SLC6A11: variants seen among roughly 807,000 people sequenced by gnomAD.
SLC6A11 encodes sodium- and chloride-dependent GABA transporter 3.
SLC6A11 carries 25 observed loss-of-function variants against 74.8 expected under a neutral mutation model. That is an observed-to-expected ratio of 0.33 (90% CI 0.24 to 0.47). The LOEUF (loss-of-function observed/expected upper bound fraction) is 0.47, where lower values mean the gene tolerates loss of function less well. Among genes scored for constraint, SLC6A11 ranks in the 20% least tolerant of loss-of-function variants. SLC6A11 has a pLI of 1.00. For synonymous variants in SLC6A11, 330 were observed against 330.2 expected (o/e 1.00, Z 0.01); for missense variants, 574 against 837.0 (o/e 0.69, Z 3.88).
At chr3:10,924,128 C>T (rs1695570984) in intron 8 of SLC6A11, among the ~76,000 whole-genome samples, 1 of 151,722 alleles carries the variant, frequency 6.6e-6, no homozygotes, top group Admixed American at 6.6e-5. Context: ...AATGTTGGAA[C>T]AGAAAAAAAG....
intron 10 of SLC6A11, 101 bp downstream of exon 10, chr3:10,929,440 C>A: frequency 1.6e-6 from 2 of 1,256,962 alleles, no homozygotes; most frequent in Non-Finnish European, 2.3e-6. Context: ...AGGTCTAGTG[C>A]CCTCTGCCAC....
intron 8 of SLC6A11, among the ~76,000 whole-genome samples, chr3:10,925,596 G>A (rs1261708159): frequency 1.3e-5 from 2 of 152,208 alleles, no homozygotes; most frequent in Non-Finnish European, 2.9e-5. Context: ...CCCGACCTAC[G>A]TACACCACAA....
chr3:10,873,372 C>CCA (rs1559566530), intron 5 of SLC6A11, among the ~76,000 whole-genome samples: 3 of 92,866 alleles, frequency 3.2e-5, no homozygotes, highest in African/African-American at 1.6e-4. Context: ...CCCCTATGCT[C>CCA]ACCTTCATTA....
At chr3:10,821,232 C>T (rs1694134524) in intron 3 of SLC6A11, among the ~76,000 whole-genome samples, 1 of 152,146 alleles carries the variant, frequency 6.6e-6, no homozygotes, top group South Asian at 2.1e-4. Flanking sequence ...TGAGGATACT[C>T]TAAAAATATG....
At chr3:10,909,109 C>CAA (rs34230224) in intron 6 of SLC6A11, among the ~76,000 whole-genome samples, 11,314 of 103,896 alleles carry the variant, frequency 0.11, 708 homozygotes, top group Admixed American at 0.18. Flanking sequence ...ACATCCCCAG[C>CAA]AAAAAAAAAA....
intron 5 of SLC6A11, among the ~76,000 whole-genome samples, chr3:10,874,159 G>A (rs1694880821): frequency 6.6e-6 from 1 of 152,204 alleles, no homozygotes; most frequent in Admixed American, 6.5e-5. Flanking sequence ...TTCTAAAGTG[G>A]ATTTAGAAGA....
chr3:10,834,576 TAAAAC>T (rs1039109396), intron 4 of SLC6A11, among the ~76,000 whole-genome samples: 5 of 152,026 alleles, frequency 3.3e-5, no homozygotes, highest in African/African-American at 1.2e-4. Context: ...TTGTTTTTAA[TAAAAC>T]AATGAGGAAG....
intron 6 of SLC6A11, among the ~76,000 whole-genome samples, chr3:10,905,244 C>T (rs1559578270): frequency 2.6e-5 from 4 of 152,206 alleles, no homozygotes. Flanking sequence ...GGGAAGATGA[C>T]ATTCCCCAGA....
chr3:10,903,954 T>TC (rs1695272199), intron 6 of SLC6A11, among the ~76,000 whole-genome samples: 1 of 152,248 alleles, frequency 6.6e-6, no homozygotes, highest in Admixed American at 6.5e-5. Context: ...AATTAGACAT[T>TC]CTACTTGCAT....
At chr3:10,832,676 C>G (rs570988792) in intron 4 of SLC6A11, among the ~76,000 whole-genome samples, 2 of 152,282 alleles carry the variant, frequency 1.3e-5, no homozygotes, top group African/African-American at 4.8e-5. Context: ...TAGTATTTCC[C>G]CGTACTCTTA....
chr3:10,879,962 AAGTG>A (rs1228797102), intron 6 of SLC6A11, among the ~76,000 whole-genome samples: 1 of 152,176 alleles, frequency 6.6e-6, no homozygotes, highest in Non-Finnish European at 1.5e-5. Context: ...ATGTGATTAA[AAGTG>A]AGGCTAATTT....
intron 3 of SLC6A11, among the ~76,000 whole-genome samples, chr3:10,820,502 C>T (rs1694124267): frequency 6.6e-6 from 1 of 152,166 alleles, no homozygotes; most frequent in African/African-American, 2.4e-5. Flanking sequence ...TTAGCACAAA[C>T]CCCACCCAGC....
chr3:10,914,158 A>G (rs964409601), intron 7 of SLC6A11, among the ~76,000 whole-genome samples: 7 of 152,118 alleles, frequency 4.6e-5, no homozygotes, highest in Admixed American at 1.3e-4. Context: ...ATTTGAAAGA[A>G]CTTTCACCGG....
At chr3:10,889,024 T>A (rs926236604) in intron 6 of SLC6A11, among the ~76,000 whole-genome samples, 2 of 152,138 alleles carry the variant, frequency 1.3e-5, no homozygotes, top group African/African-American at 4.8e-5. Flanking sequence ...AGTTTTTAAG[T>A]GGGGGAGGAT....
chr3:10,890,071 A>C (rs1695090263), intron 6 of SLC6A11, among the ~76,000 whole-genome samples: 1 of 152,014 alleles, frequency 6.6e-6, no homozygotes, highest in Non-Finnish European at 1.5e-5. Flanking sequence ...CTGTTTCATT[A>C]GTCAGATTTC....
intron 6 of SLC6A11, among the ~76,000 whole-genome samples, chr3:10,897,203 G>T (rs1695182024): frequency 6.6e-6 from 1 of 152,198 alleles, no homozygotes; most frequent in African/African-American, 2.4e-5. Flanking sequence ...CAAGATGAGA[G>T]TTGAGTGGGA....
At chr3:10,831,581 A>G (rs555906522) in intron 4 of SLC6A11, among the ~76,000 whole-genome samples, 37 of 152,358 alleles carry the variant, frequency 2.4e-4, no homozygotes, top group Admixed American at 1.9e-3. Context: ...AACTATTAAC[A>G]GATTACCCAG....
chr3:10,897,651 T>C (rs1255386748), intron 6 of SLC6A11, among the ~76,000 whole-genome samples: 1 of 152,190 alleles, frequency 6.6e-6, no homozygotes, highest in African/African-American at 2.4e-5. Flanking sequence ...CTTTGCAGGG[T>C]ACAGCCTCCC....
At chr3:10,902,213 A>C (rs993383166) in intron 6 of SLC6A11, among the ~76,000 whole-genome samples, 3 of 152,148 alleles carry the variant, frequency 2.0e-5, no homozygotes, top group African/African-American at 4.8e-5. Flanking sequence ...AAAAGCCCAT[A>C]CCCCATGTAC....
Sources: allele counts gnomAD v4.1 joint callset (sites outside exome capture counted in the v4.1 genomes callset), GRCh38; gene constraint gnomAD v4.1.1; transcripts MANE v1.5; gene names NCBI Gene and HGNC (gene_info 2026-07-23, HGNC 2026-07-21).